MTMR10: variants seen among roughly 807,000 people sequenced by gnomAD.
MTMR10 encodes myotubularin related protein 10, also known as myotubularin-related protein 10.
A neutral mutation model predicts 88.1 loss-of-function variants in MTMR10; 56 were observed. The observed-to-expected ratio is 0.64, with a 90% CI of 0.51 to 0.79. The LOEUF is 0.79. MTMR10 is among the 30% of genes least tolerant of loss of function. MTMR10 has a pLI of 0.00. For missense variants in MTMR10, 883 were observed against 924.7 expected, an observed-to-expected ratio of 0.95 and a Z score of 0.58; for synonymous variants, 380 against 340.9, an observed-to-expected ratio of 1.11 and a Z score of -1.26.
At chr15:30,949,884 T>C (rs956299976) in intron 12 of MTMR10, 2 of 152,250 alleles carry the variant, frequency 1.3e-5, no homozygotes, top group African/African-American at 2.4e-5. Context: ...TATTGTATGA[T>C]TCCATTTATA....
chr15:30,951,113 A>G (rs1316200427), intron 12 of MTMR10, among the ~76,000 whole-genome samples: 4 of 152,256 alleles, frequency 2.6e-5, no homozygotes, highest in African/African-American at 9.6e-5. Context: ...TAGTCTATTG[A>G]ACTTTATCTG....
rs1419112534 is a variant in MTMR10 at position 30,940,585 on chromosome 15, T to C, written c.*885A>G. The C allele has an allele frequency of 6.1e-6, 6 of 985,422 alleles. No individual in the cohort carries two copies. In the East Asian group the frequency reaches 3.4e-4, roughly 56 times the overall value. The allele number at this position is 985,422 out of a possible 1,614,324, so 61.0% of individuals were successfully genotyped here. ...GCCTCCCAGCAAGCCTTGTTTGTTT[T>C]TGAGGGCGAGTTTTGGCATAGATGG... On this transcript the variant is annotated 3_prime_UTR_variant, in exon 16 of 16. Coordinates refer to ENST00000435680, the MANE Select transcript of MTMR10 (RefSeq NM_017762.3).
chr15:30,962,753 T>C (rs185914523), intron 6 of MTMR10, among the ~76,000 whole-genome samples: 59 of 152,308 alleles, frequency 3.9e-4, no homozygotes, highest in African/African-American at 1.3e-3. Context: ...CATTAATAAG[T>C]GTGATAATCA....
At chr15:30,955,525 C>A (rs2063313814) in intron 9 of MTMR10, among the ~76,000 whole-genome samples, 2 of 152,064 alleles carry the variant, frequency 1.3e-5, no homozygotes, top group African/African-American at 4.8e-5. Flanking sequence ...CCCCCTTGGC[C>A]TCCCAAAGTG....
the MTMR10 span, chr15:30,920,692 T>G: frequency 2.4e-6 from 3 of 1,227,728 alleles, no homozygotes; most frequent in South Asian, 1.3e-5. Context: ...ATTACTGATG[T>G]GATGGCGTTA....
At chr15:30,944,785 C>T (rs1210630693) in intron 14 of MTMR10, among the ~76,000 whole-genome samples, 3 of 151,610 alleles carry the variant, frequency 2.0e-5, no homozygotes, top group East Asian at 2.0e-4. Context: ...CTGAGGTGGG[C>T]GGATTGCTTG....
At position 30,990,798 on chromosome 15, in the gene MTMR10, G is replaced by C. The variant is rs369327406; in HGVS notation, c.100C>G (p.Leu34Val). 9.3e-6 allele frequency: 15 copies of C among 1,609,944 alleles called. No individual in the cohort carries two copies. The African/African-American group carries it at 2.0e-4, about 21-fold the overall frequency. The stretch of plus-strand genomic sequence containing the variant: ...TTACCTGGCAAAAGGACTGGCTCCA[G>C]TTTTTTAATCTTCGGTTCCGAATTG... ...KINSEPKIKK[L>V]EPVLLPGEIV... The change falls in exon 2 of 16, where the codon CTG (leucine) becomes GTG (valine). Residue 34 changes from leucine to valine, a missense_variant. Leu to Val is a conservative substitution (Grantham distance 32). This residue lies in a region of MTMR10 where 414 missense variants were observed against 423.2 expected (regional missense o/e 0.98). Coordinates refer to ENST00000435680, the MANE Select transcript of MTMR10 (RefSeq NM_017762.3).
intron 3 of MTMR10, among the ~76,000 whole-genome samples, chr15:30,975,222 A>G (rs1056856263): frequency 6.6e-6 from 1 of 152,152 alleles, no homozygotes; most frequent in Admixed American, 6.5e-5. Flanking sequence ...GAATATCATC[A>G]ATCACCTTAC....
chr15:30,919,047 T>C, the MTMR10 span, among the ~76,000 whole-genome samples: 2 of 152,266 alleles, frequency 1.3e-5, no homozygotes, highest in Non-Finnish European at 2.9e-5. Flanking sequence ...GCTGTATTCT[T>C]ACAATAAAGT....
chr15:30,965,894 C>A, intron 6 of MTMR10: 1 of 355,478 alleles, frequency 2.8e-6, no homozygotes, highest in Non-Finnish European at 5.8e-6. Flanking sequence ...AAAAGGACTT[C>A]TTTAATCCAG....
At position 30,939,656 on chromosome 15, in the gene MTMR10, T is replaced by TAAAATAA. The variant is rs34732559; in HGVS notation, c.*1807_*1813dup. ...AACAACAATAAAATACTACAAGAGTTAAAATAAACGTGAAGGAAGAAAATT... is the reference window on the plus strand; with the variant it reads ...AACAACAATAAAATACTACAAGAGTTAAAATAAAAAATAAACGTGAAGGAAGAAAATT... On this transcript the variant is annotated 3_prime_UTR_variant, in exon 16 of 16. Transcript: ENST00000435680. The TAAAATAA allele has an allele frequency of 8.6e-5, 69 of 798,456 alleles. No individual in the cohort carries two copies. In the African/African-American group the frequency reaches 3.7e-3, roughly 43 times the overall value. 49.5% of individuals were successfully genotyped at this position (798,456 alleles called of 1,614,324 possible). A position where few individuals can be genotyped will look rare whatever the true frequency, so the allele number is the denominator to read the frequency against.
In MTMR10 at chr15:30,939,996, A is replaced by G. The variant is rs1254145587; in HGVS notation, c.*1474T>C. 3 of 977,920 alleles carry G rather than the reference A, an allele frequency of 3.1e-6. No individual in the cohort carries two copies. In the African/African-American group the frequency reaches 5.3e-5, roughly 17 times the overall value. The allele number at this position is 977,920 out of a possible 1,614,324, so 60.6% of individuals were successfully genotyped here. ...CATTATCAAATTTTAAAAGGCAAAT[A>G]ATTCAAAAAGAAACAGCTATTCAGT... On this transcript the variant is annotated 3_prime_UTR_variant, in exon 16 of 16. Transcript: ENST00000435680.
chr15:30,927,288 G>C, the MTMR10 span: 1 of 985,468 alleles, frequency 1.0e-6, no homozygotes, highest in Non-Finnish European at 1.2e-6. Flanking sequence ...CACCAGGACG[G>C]AACACTGACT....
chr15:30,983,833 CTA>C (rs1209409039), intron 2 of MTMR10, among the ~76,000 whole-genome samples: 1 of 152,172 alleles, frequency 6.6e-6, no homozygotes, highest in Non-Finnish European at 1.5e-5. Flanking sequence ...GAAATTGAAA[CTA>C]TGTGGAAGAT....
chr15:30,931,413 G>A, the MTMR10 span, among the ~76,000 whole-genome samples: 1 of 152,272 alleles, frequency 6.6e-6, no homozygotes, highest in African/African-American at 2.4e-5. Flanking sequence ...CTTTTGAAGA[G>A]CAGAGGTTTC....
the MTMR10 span, chr15:30,928,000 C>G: frequency 1.0e-6 from 1 of 985,834 alleles, no homozygotes; most frequent in African/African-American, 1.7e-5. Context: ...AAAGCCTTGA[C>G]TATCGGAAGC....
the MTMR10 span, among the ~76,000 whole-genome samples, chr15:30,919,597 G>A: frequency 6.6e-6 from 1 of 151,240 alleles, no homozygotes; most frequent in Non-Finnish European, 1.5e-5. Context: ...GCTGAGGCAG[G>A]AGAATCACAT....
At chr15:30,927,406 G>C in the MTMR10 span, 1 of 985,562 alleles carries the variant, frequency 1.0e-6, no homozygotes, top group Non-Finnish European at 1.2e-6. Context: ...TGAGTGAACC[G>C]CTGTCCTTTT....
intron 6 of MTMR10, 66 bp downstream of exon 6, chr15:30,967,854 G>A (rs777993039): frequency 2.2e-5 from 29 of 1,326,098 alleles, no homozygotes; most frequent in South Asian, 2.7e-5. Context: ...GGAGGCTTCC[G>A]GTAAACATAA....
Sources: gnomAD v4.1 joint callset for allele counts (sites outside exome capture counted in the v4.1 genomes callset) on GRCh38, gnomAD v4.1.1 for gene constraint, gnomAD v4.1.1 regional missense constraint, MANE v1.5 for transcripts, NCBI Gene and HGNC (gene_info 2026-07-23, HGNC 2026-07-21) for gene names.